The following RTRAF variants were observed in gnomAD, a reference collection of about 807,000 sequenced individuals.
RTRAF encodes RNA transcription, translation and transport factor, also known as tRNA-splicing ligase complex subunit RTRAF.
A neutral mutation model predicts 34.4 loss-of-function variants in RTRAF; 14 were observed. That is an observed-to-expected ratio of 0.41 (90% CI 0.27 to 0.64). The LOEUF is 0.64. Ranked by LOEUF, RTRAF falls within the 30% of genes least tolerant of loss-of-function variation. The pLI is 0.34. For synonymous variants in RTRAF, 96 were observed against 95.3 expected (o/e 1.01, Z -0.04); for missense variants, 291 against 288.4 (o/e 1.01, Z -0.06).
chr14:52,001,038 C>G (rs1253045800), intron 5 of RTRAF, among the ~76,000 whole-genome samples: 1 of 152,192 alleles, frequency 6.6e-6, no homozygotes, highest in Non-Finnish European at 1.5e-5. Context: ...TTGCCAAGTA[C>G]AAGCATCAGT....
chr14:52,000,432 C>T (rs779642975), intron 5 of RTRAF, among the ~76,000 whole-genome samples: 4 of 152,072 alleles, frequency 2.6e-5, no homozygotes, highest in Admixed American at 6.5e-5. Context: ...TCCTAGTAAT[C>T]GTGAAAGTAC....
chr14:52,005,595 A>AT lies in RTRAF; in HGVS notation c.*1082dup, dbSNP rs1269906390. 4.7e-6 allele frequency: 7 copies of AT among 1,491,150 alleles called. No homozygotes were observed. Among genetic ancestry groups the AT allele is most frequent in the Non-Finnish European group, 6.5e-6 (7 of 1,079,518 alleles). 92.4% of individuals were successfully genotyped at this position (1,491,150 alleles called of 1,614,324 possible). On this transcript the variant is annotated 3_prime_UTR_variant, in exon 8 of 8. Coordinates refer to ENST00000261700, the MANE Select transcript of RTRAF (RefSeq NM_016039.3). The stretch of plus-strand genomic sequence containing the variant: ...TGCATTTTGTGTATAAACTAGGTAG[A>AT]TTTAAGGTAGTAAAGACTGGCCCTC...
intron 1 of RTRAF, 26 bp downstream of exon 1, chr14:51,989,726 G>A (rs757123229): frequency 1.9e-6 from 3 of 1,583,222 alleles, no homozygotes; most frequent in South Asian, 1.2e-5. Context: ...CAGCCCGGCC[G>A]CGTGTCCCTG....
intron 1 of RTRAF, among the ~76,000 whole-genome samples, chr14:51,990,643 C>G (rs1342062297): frequency 6.6e-6 from 1 of 152,160 alleles, no homozygotes; most frequent in African/African-American, 2.4e-5. Flanking sequence ...GAGCCTTGTT[C>G]TGGATTGGAA....
chr14:51,992,751 C>A (rs565194720), intron 2 of RTRAF, among the ~76,000 whole-genome samples: 61 of 152,160 alleles, frequency 4.0e-4, no homozygotes, highest in Non-Finnish European at 6.9e-4. Context: ...ATTGTCTAGG[C>A]TGGGCACGGT....
Position 52,006,616 on chromosome 14 carries a change from G to A in RTRAF, c.*2100G>A, listed in dbSNP as rs372819788. 1.1e-5 allele frequency: 17 copies of A among 1,613,682 alleles called. No homozygotes were observed. Among genetic ancestry groups the A allele is most frequent in the Middle Eastern group, 1.6e-4 (1 of 6,082 alleles). ...TACTTGAGGTTGTTTTGAATGACAC[G>A]CCGTCCAGTTCCATCAGGTAGTGTA... is the stretch of plus-strand genomic sequence containing the variant. On this transcript the variant is annotated 3_prime_UTR_variant, in exon 8 of 8. Transcript: ENST00000261700.
rs1190055407 is a variant in RTRAF at position 52,009,401 on chromosome 14, G to A, written c.*4885G>A. ...GTTGTAAAGGTGAAATCTATAGAAA[G>A]CAAATGAGAAATATGCAGGAAGGCT... On this transcript the variant is annotated 3_prime_UTR_variant, in exon 8 of 8. Coordinates refer to ENST00000261700, the MANE Select transcript of RTRAF (RefSeq NM_016039.3). The A allele has an allele frequency of 3.3e-5, 5 of 152,216 alleles. No homozygotes were observed. The highest frequency in any genetic ancestry group is 1.2e-4 in the African/African-American group (5 of 41,460). The allele number at this position is 152,216 out of a possible 1,614,324, so 9.4% of individuals were successfully genotyped here. A position where few individuals can be genotyped will look rare whatever the true frequency, so the allele number is the denominator to read the frequency against.
intron 6 of RTRAF, among the ~76,000 whole-genome samples, chr14:52,003,795 A>G (rs1783564784): frequency 1.3e-5 from 2 of 152,222 alleles, no homozygotes; most frequent in Admixed American, 6.5e-5. Context: ...GTGCTCAGAA[A>G]TGGAATATAA....
At chr14:51,997,786 A>G (rs1370213436) in intron 3 of RTRAF, 2 of 33,878 alleles carry the variant, frequency 5.9e-5, no homozygotes, top group African/African-American at 2.7e-4. Context: ...AGATGGGGGG[A>G]AGCGTACTTT....
At chr14:51,993,881 GA>G in intron 3 of RTRAF, 59 bp downstream of exon 3, 1 of 1,030,238 alleles carries the variant, frequency 9.7e-7, no homozygotes, top group Admixed American at 2.5e-5. Context: ...AAGGGAGTGT[GA>G]AAATGTAGGG....
Position 51,989,592 on chromosome 14 carries a change from C to G in RTRAF, c.-48C>G. On this transcript the variant is annotated 5_prime_UTR_variant, in exon 1 of 8. Coordinates refer to ENST00000261700, the MANE Select transcript of RTRAF (RefSeq NM_016039.3). ...CTGCGCCTCCCGCTCCACCTCGCTTCTTCTCTCCCGGCCGAGGCCCGGGGG... is the reference window on the plus strand; with the variant it reads ...CTGCGCCTCCCGCTCCACCTCGCTTGTTCTCTCCCGGCCGAGGCCCGGGGG... The G allele has an allele frequency of 1.9e-6, 3 of 1,557,042 alleles. No individual in the cohort carries two copies. The highest frequency in any genetic ancestry group is 2.6e-6 in the Non-Finnish European group (3 of 1,150,694).
Position 52,006,931 on chromosome 14 carries a change from T to G in RTRAF, c.*2415T>G. 4.0e-6 allele frequency: 1 copy of G among 250,696 alleles called. No individual in the cohort carries two copies. The allele number at this position is 250,696 out of a possible 1,614,324, so 15.5% of individuals were successfully genotyped here. A position where few individuals can be genotyped will look rare whatever the true frequency, so the allele number is the denominator to read the frequency against. On this transcript the variant is annotated 3_prime_UTR_variant, in exon 8 of 8. Coordinates refer to ENST00000261700, the MANE Select transcript of RTRAF (RefSeq NM_016039.3). ...AAGTAGGGCATTAAACATAATTATT[T>G]TTATAATTTGTGTGATTTCAAGCCT...
Position 52,010,550 on chromosome 14 carries a change from C to A in RTRAF, c.*6034C>A. 5.3e-6 allele frequency: 1 copy of A among 188,022 alleles called. No individual in the cohort carries two copies. The highest frequency in any genetic ancestry group is 5.4e-5 in the Admixed American group (1 of 18,648). 11.6% of individuals were successfully genotyped at this position (188,022 alleles called of 1,614,324 possible). A position where few individuals can be genotyped will look rare whatever the true frequency, so the allele number is the denominator to read the frequency against. On this transcript the variant is annotated 3_prime_UTR_variant, in exon 8 of 8. Coordinates refer to ENST00000261700, the MANE Select transcript of RTRAF (RefSeq NM_016039.3). ...CCCACTTCACTTCCAGTTTAAGTGT[C>A]AGCTGAGGCCTCGCCTGATCATTTG... is the stretch of plus-strand genomic sequence containing the variant.
At chr14:52,003,627 T>C (rs1406655245) in intron 6 of RTRAF, among the ~76,000 whole-genome samples, 1 of 152,166 alleles carries the variant, frequency 6.6e-6, no homozygotes, top group African/African-American at 2.4e-5. Context: ...AGTATGTCCA[T>C]AGGTGCTGAG....
intron 1 of RTRAF, among the ~76,000 whole-genome samples, chr14:51,990,293 A>G (rs1890412114): frequency 1.3e-5 from 2 of 152,214 alleles, no homozygotes; most frequent in African/African-American, 4.8e-5. Flanking sequence ...GGGAAGGTTG[A>G]ATTGTGAATA....
In RTRAF at chr14:52,002,220, C is replaced by T. The variant is rs536263195; in HGVS notation, c.531+354C>T. On this transcript the variant is annotated intron_variant, in intron 6 of 7. Transcript: ENST00000261700. ...TCATGCTGGAGAAGAAGGAACACAC[C>T]TCACTACAAATTAGTTTTCTTTTTC... Among the ~76,000 whole-genome samples, 11 of 152,310 alleles carry T rather than the reference C, an allele frequency of 7.2e-5. 1 individual carries two copies. In the South Asian group the frequency reaches 2.3e-3, roughly 32 times the overall value.
chr14:51,990,947 T>G (rs1292470673), intron 1 of RTRAF, among the ~76,000 whole-genome samples: 1 of 152,214 alleles, frequency 6.6e-6, no homozygotes, highest in Non-Finnish European at 1.5e-5. Context: ...CCAGGCACTG[T>G]TTTTATCCGT....
rs1467297791 is a variant in RTRAF at position 52,007,988 on chromosome 14, T to C, written c.*3472T>C. On this transcript the variant is annotated 3_prime_UTR_variant, in exon 8 of 8. Coordinates refer to ENST00000261700, the MANE Select transcript of RTRAF (RefSeq NM_016039.3). Reference sequence around the variant, plus strand: ...AGTTGCTGTAAGTTAAAAATCAAGATTGTAAAAGAATAGCCATGTAGCCTG... The same window carrying C: ...AGTTGCTGTAAGTTAAAAATCAAGACTGTAAAAGAATAGCCATGTAGCCTG... 6.3e-7 allele frequency: 1 copy of C among 1,589,972 alleles called. No individual in the cohort carries two copies. The highest frequency in any genetic ancestry group is 2.2e-5 in the East Asian group (1 of 44,648).
intron 5 of RTRAF, among the ~76,000 whole-genome samples, chr14:52,000,317 C>G (rs1023872405): frequency 6.6e-6 from 1 of 152,042 alleles, no homozygotes; most frequent in East Asian, 1.9e-4. Flanking sequence ...TTTCTGTCCC[C>G]GATGCTAGAT....
Sources: gnomAD v4.1 joint callset for allele counts (sites outside exome capture counted in the v4.1 genomes callset) on GRCh38, gnomAD v4.1.1 for gene constraint, MANE v1.5 for transcripts, NCBI Gene and HGNC (gene_info 2026-07-23, HGNC 2026-07-21) for gene names.